The following BANK1 variants were observed in gnomAD, a reference collection of about 807,000 sequenced individuals.
BANK1 encodes B cell scaffold protein with ankyrin repeats 1, also known as B-cell scaffold protein with ankyrin repeats.
A neutral mutation model predicts 94.5 loss-of-function variants in BANK1; 95 were observed. The observed-to-expected ratio is 1.00, with a 90% CI of 0.85 to 1.19. The LOEUF (loss-of-function observed/expected upper bound fraction) is 1.19. Ranked by LOEUF, BANK1 falls within the 50% of genes most tolerant of loss-of-function variation. The pLI is 0.00. For synonymous variants in BANK1, 334 were observed against 308.4 expected (o/e 1.08, Z -0.87); for missense variants, 987 against 932.2 (o/e 1.06, Z -0.77).
At chr4:101,828,659 A>T (rs1726474823) in intron 1 of BANK1, among the ~76,000 whole-genome samples, 1 of 151,986 alleles carries the variant, frequency 6.6e-6, no homozygotes, top group Admixed American at 6.6e-5. Context: ...TTTCATTGTT[A>T]TGCAATATTT....
At chr4:101,926,487 A>G (rs1015806863) in intron 7 of BANK1, among the ~76,000 whole-genome samples, 13 of 151,786 alleles carry the variant, frequency 8.6e-5, no homozygotes, top group Admixed American at 5.9e-4. Flanking sequence ...TTTTAGTTTA[A>G]CAAATAGATT....
intron 7 of BANK1, among the ~76,000 whole-genome samples, chr4:101,945,158 C>T (rs1334423990): frequency 1.3e-5 from 2 of 151,896 alleles, no homozygotes; most frequent in African/African-American, 2.4e-5. Context: ...TCAAAAGATG[C>T]CCCCTTTGGA....
chr4:102,007,068 T>TA (rs1726290072), intron 7 of BANK1, among the ~76,000 whole-genome samples: 7 of 99,062 alleles, frequency 7.1e-5, no homozygotes, highest in African/African-American at 2.4e-4. Context: ...ATATATAATT[T>TA]TATATATATA....
intron 11 of BANK1, 95 bp from the exon 12 acceptor site, chr4:102,060,116 A>C (rs1728362367): frequency 8.8e-7 from 1 of 1,130,910 alleles, no homozygotes; most frequent in African/African-American, 1.6e-5. Flanking sequence ...GAGAGTTAAG[A>C]AGAAGCTACT....
At chr4:102,029,281 G>T (rs1029395882) in intron 9 of BANK1, among the ~76,000 whole-genome samples, 11 of 151,992 alleles carry the variant, frequency 7.2e-5, no homozygotes, top group Non-Finnish European at 1.2e-4. Flanking sequence ...AAGACCGACT[G>T]CTATGAAACC....
chr4:101,960,137 G>A (rs1403182702), intron 7 of BANK1, among the ~76,000 whole-genome samples: 1 of 152,076 alleles, frequency 6.6e-6, no homozygotes, highest in Non-Finnish European at 1.5e-5. Flanking sequence ...AAAAAACTAG[G>A]AGGGCATTTT....
intron 7 of BANK1, among the ~76,000 whole-genome samples, chr4:101,998,247 T>C (rs1044517619): frequency 6.6e-6 from 1 of 152,234 alleles, no homozygotes; most frequent in Non-Finnish European, 1.5e-5. Context: ...TTCTTAATCC[T>C]GAGTTCTAAT....
intron 7 of BANK1, among the ~76,000 whole-genome samples, chr4:101,996,183 G>A (rs1367039173): frequency 6.6e-6 from 1 of 152,128 alleles, no homozygotes; most frequent in Non-Finnish European, 1.5e-5. Flanking sequence ...ATTAAATAGG[G>A]AATCCTTTCC....
At chr4:101,990,031 A>T (rs1725650280) in intron 7 of BANK1, among the ~76,000 whole-genome samples, 1 of 152,186 alleles carries the variant, frequency 6.6e-6, no homozygotes, top group Non-Finnish European at 1.5e-5. Flanking sequence ...AAAGACACTA[A>T]TTAAGCTGAT....
Position 101,830,101 on chromosome 4 carries a change from G to C in BANK1, c.364G>C (p.Asp122His). ...TTTGCTTTGTGGAGTGAAGAGTTCAGATCAGCTCTATGAATTACTAAATAT... is the reference window on the plus strand; with the variant it reads ...TTTGCTTTGTGGAGTGAAGAGTTCACATCAGCTCTATGAATTACTAAATAT... ...VTLLCGVKSS[D>H]QLYELLNISQ... The change falls in exon 2 of 17, where the codon GAT becomes CAT. Residue 122 changes from aspartate to histidine, a missense_variant. By Grantham distance (81) the Asp-to-His change is moderately conservative. Coordinates refer to ENST00000322953, the MANE Select transcript of BANK1 (RefSeq NM_017935.5). The C allele has an allele frequency of 6.2e-7, 1 of 1,613,668 alleles. No individual in the cohort carries two copies. Among genetic ancestry groups the C allele is most frequent in the Non-Finnish European group, 8.5e-7 (1 of 1,179,836 alleles).
chr4:101,902,141 A>T (rs1405668601), intron 6 of BANK1, among the ~76,000 whole-genome samples: 1 of 152,150 alleles, frequency 6.6e-6, no homozygotes, highest in Non-Finnish European at 1.5e-5. Context: ...TGAAAATGTG[A>T]CCTGGAAAGA....
At chr4:101,908,023 A>G (rs1406083384) in intron 6 of BANK1, among the ~76,000 whole-genome samples, 1 of 152,182 alleles carries the variant, frequency 6.6e-6, no homozygotes, top group Non-Finnish European at 1.5e-5. Flanking sequence ...TCAAGCTACC[A>G]ATGACTTTCT....
intron 4 of BANK1, among the ~76,000 whole-genome samples, chr4:101,869,211 C>T (rs1405788100): frequency 1.3e-5 from 2 of 151,804 alleles, no homozygotes; most frequent in African/African-American, 4.8e-5. Context: ...TATCTTATTT[C>T]AAAATAATTT....
At chr4:101,968,516 A>C (rs1468547885) in intron 7 of BANK1, among the ~76,000 whole-genome samples, 2 of 151,960 alleles carry the variant, frequency 1.3e-5, no homozygotes, top group Non-Finnish European at 2.9e-5. Flanking sequence ...CTAGTGTCTG[A>C]AATGTGGTCT....
chr4:102,018,664 C>T (rs967197162), intron 7 of BANK1, among the ~76,000 whole-genome samples: 4 of 152,126 alleles, frequency 2.6e-5, no homozygotes, highest in Admixed American at 6.5e-5. Context: ...TAAGCATGTT[C>T]AGCTAATAGA....
At chr4:102,027,555 G>C (rs1348135871) in intron 9 of BANK1, among the ~76,000 whole-genome samples, 3 of 151,700 alleles carry the variant, frequency 2.0e-5, no homozygotes, top group Non-Finnish European at 4.4e-5. Context: ...ATGCAAGGCT[G>C]TAAGCTATCA....
rs1442192950 is a variant in BANK1 at position 102,063,225 on chromosome 4, A to G, written c.2212+87A>G. On this transcript the variant is annotated intron_variant, in intron 13 of 16. Transcript: ENST00000322953. ...TGTGGAGATGATTGGGCCTGAGTTC[A>G]AATCTAAACCTCAACAATTCCCAGC... 3 of 1,210,306 alleles carry G rather than the reference A, an allele frequency of 2.5e-6. No homozygotes were observed. The African/African-American group carries it at 4.6e-5, about 18-fold the overall frequency. 75.0% of individuals were successfully genotyped at this position (1,210,306 alleles called of 1,614,324 possible).
At chr4:101,882,881 T>C in intron 5 of BANK1, among the ~76,000 whole-genome samples, 1 of 152,202 alleles carries the variant, frequency 6.6e-6, no homozygotes, top group Non-Finnish European at 1.5e-5. Flanking sequence ...TCTTCTTAGC[T>C]GTCCGTCCAA....
Position 102,017,951 on chromosome 4 carries a change from A to G in BANK1, c.1207-3563A>G, listed in dbSNP as rs72931993. 6.7e-3 allele frequency among the ~76,000 whole-genome samples: 1,014 copies of G among 152,172 alleles called. 12 individuals carry two copies. The highest frequency in any genetic ancestry group is 0.023 in the African/African-American group (944 of 41,510). On this transcript the variant is annotated intron_variant, in intron 7 of 16. Coordinates refer to ENST00000322953, the MANE Select transcript of BANK1 (RefSeq NM_017935.5). Reference sequence around the variant, plus strand: ...GTGGATGGAGTTCCTCCTTAATTTTACACTCAGCATTTCAATTCCTGTAAT... The same window carrying G: ...GTGGATGGAGTTCCTCCTTAATTTTGCACTCAGCATTTCAATTCCTGTAAT...
Sources: gnomAD v4.1 joint callset for allele counts (sites outside exome capture counted in the v4.1 genomes callset) on GRCh38, gnomAD v4.1.1 for gene constraint, MANE v1.5 for transcripts, NCBI Gene and HGNC (gene_info 2026-07-23, HGNC 2026-07-21) for gene names.